SDK1: variants seen among roughly 807,000 people sequenced by gnomAD.
The protein encoded by SDK1 is sidekick cell adhesion molecule 1.
SDK1 carries 157 observed loss-of-function variants against 245.5 expected under a neutral mutation model. That is an observed-to-expected ratio of 0.64 (90% CI 0.56 to 0.73). SDK1 has a LOEUF of 0.73. SDK1 is among the 30% of genes least tolerant of loss of function. SDK1 has a pLI of 0.00. For synonymous variants in SDK1, 1,647 were observed against 1,278.5 expected (o/e 1.29, Z -6.15); for missense variants, 3,583 against 3,002.3 (o/e 1.19, Z -4.52).
intron 7 of SDK1, chr7:3,957,933 C>T (rs1583635098): frequency 4.3e-6 from 2 of 469,416 alleles, no homozygotes; most frequent in South Asian, 1.6e-5. Context: ...TCCAGGTAAT[C>T]GCAGAAGTGA....
At chr7:3,441,741 T>G (rs750594040) in intron 1 of SDK1, among the ~76,000 whole-genome samples, 13 of 152,152 alleles carry the variant, frequency 8.5e-5, no homozygotes, top group Non-Finnish European at 1.8e-4. Context: ...TGTAAATCAA[T>G]TTGGGTAGAA....
intron 1 of SDK1, among the ~76,000 whole-genome samples, chr7:3,533,837 A>G (rs910747048): frequency 6.6e-5 from 10 of 151,614 alleles, no homozygotes; most frequent in African/African-American, 1.9e-4. Context: ...AATATATTCA[A>G]TATATTTCCT....
chr7:3,598,431 G>A (rs1781140456), intron 1 of SDK1, among the ~76,000 whole-genome samples: 1 of 152,066 alleles, frequency 6.6e-6, no homozygotes, highest in Non-Finnish European at 1.5e-5. Flanking sequence ...AGACTCAAAT[G>A]CAATTGTTAG....
At chr7:3,432,900 G>A (rs939375128) in intron 1 of SDK1, among the ~76,000 whole-genome samples, 10 of 152,334 alleles carry the variant, frequency 6.6e-5, no homozygotes, top group African/African-American at 2.4e-4. Flanking sequence ...TCATGGCTGA[G>A]CCTCATTCTT....
At chr7:3,530,992 A>T (rs1339178866) in intron 1 of SDK1, among the ~76,000 whole-genome samples, 3 of 152,230 alleles carry the variant, frequency 2.0e-5, no homozygotes, top group Non-Finnish European at 4.4e-5. Flanking sequence ...TTTGGAAATG[A>T]TGTGGCTTGT....
intron 1 of SDK1, among the ~76,000 whole-genome samples, chr7:3,321,724 TCTCC>T (rs1779809920): frequency 4.0e-5 from 1 of 25,236 alleles, no homozygotes; most frequent in Non-Finnish European, 6.9e-5. Flanking sequence ...CCCTCTCCCC[TCTCC>T]CTCCCATCCC....
intron 1 of SDK1, among the ~76,000 whole-genome samples, chr7:3,550,100 A>G (rs1290724674): frequency 1.3e-5 from 2 of 152,190 alleles, no homozygotes; most frequent in Admixed American, 6.5e-5. Context: ...AATCATATAC[A>G]TGGGCATGCA....
At chr7:3,592,025 A>G (rs567435918) in intron 1 of SDK1, among the ~76,000 whole-genome samples, 59 of 152,278 alleles carry the variant, frequency 3.9e-4, no homozygotes, top group Admixed American at 7.2e-4. Context: ...TATTTTTACC[A>G]TTTGTGGAAA....
chr7:4,040,525 C>T (rs932713646), intron 17 of SDK1, among the ~76,000 whole-genome samples: 2 of 152,068 alleles, frequency 1.3e-5, no homozygotes, highest in African/African-American at 2.4e-5. Flanking sequence ...GTTTAATAGG[C>T]GAAAGAGAGA....
intron 4 of SDK1, among the ~76,000 whole-genome samples, chr7:3,773,272 G>A (rs940023210): frequency 6.6e-6 from 1 of 151,346 alleles, no homozygotes; most frequent in African/African-American, 2.4e-5. Flanking sequence ...ATTTTCCTTT[G>A]CCCTATCTTC....
At chr7:3,303,539 C>T (rs1779337336) in intron 1 of SDK1, among the ~76,000 whole-genome samples, 1 of 150,480 alleles carries the variant, frequency 6.6e-6, no homozygotes, top group Non-Finnish European at 1.5e-5. Flanking sequence ...AATGAAAATA[C>T]ATTTTAAAAA....
At chr7:3,540,671 G>A (rs1409367534) in intron 1 of SDK1, among the ~76,000 whole-genome samples, 2 of 152,126 alleles carry the variant, frequency 1.3e-5, no homozygotes, top group Non-Finnish European at 2.9e-5. Flanking sequence ...GCTATTTTGG[G>A]TCTGACACAA....
At chr7:3,779,091 C>G (rs372771306) in intron 4 of SDK1, among the ~76,000 whole-genome samples, 8 of 152,106 alleles carry the variant, frequency 5.3e-5, no homozygotes, top group African/African-American at 1.9e-4. Flanking sequence ...TATCATTTGG[C>G]TAAGAATTCT....
chr7:4,242,031 C>T (rs1219950741), intron 43 of SDK1, 118 bp downstream of exon 43: 48 of 1,270,862 alleles, frequency 3.8e-5, no homozygotes, highest in Non-Finnish European at 3.8e-5. Context: ...GAAGCAAAAC[C>T]CAACCCACCG....
chr7:3,487,221 T>C (rs530253257), intron 1 of SDK1, among the ~76,000 whole-genome samples: 1 of 152,238 alleles, frequency 6.6e-6, no homozygotes, highest in African/African-American at 2.4e-5. Flanking sequence ...AATTTAGATA[T>C]TAAGTTTATG....
chr7:3,451,055 G>C (rs947926293), intron 1 of SDK1, among the ~76,000 whole-genome samples: 9 of 152,152 alleles, frequency 5.9e-5, no homozygotes, highest in Admixed American at 6.5e-5. Flanking sequence ...CAGTGGCTCA[G>C]GCAAGAGAAT....
intron 1 of SDK1, among the ~76,000 whole-genome samples, chr7:3,444,181 C>T (rs1014596422): frequency 1.2e-4 from 18 of 152,178 alleles, no homozygotes; most frequent in Admixed American, 9.2e-4. Context: ...ATGTTTGCTA[C>T]CTCCTGAGCC....
intron 1 of SDK1, among the ~76,000 whole-genome samples, chr7:3,450,589 G>T (rs1480081648): frequency 6.6e-6 from 1 of 152,186 alleles, no homozygotes; most frequent in Non-Finnish European, 1.5e-5. Context: ...GGGGAGGAAT[G>T]AGTTTGGGAA....
At chr7:3,769,276 C>G (rs988660436) in intron 4 of SDK1, among the ~76,000 whole-genome samples, 12 of 152,086 alleles carry the variant, frequency 7.9e-5, no homozygotes, top group Non-Finnish European at 1.8e-4. Flanking sequence ...CTGAAAGGTC[C>G]AAGATCAAGG....
Sources: gnomAD v4.1 joint callset for allele counts (sites outside exome capture counted in the v4.1 genomes callset) on GRCh38, gnomAD v4.1.1 for gene constraint, MANE v1.5 for transcripts, NCBI Gene and HGNC (gene_info 2026-07-23, HGNC 2026-07-21) for gene names.